CAST: variants seen among roughly 807,000 people sequenced by gnomAD.
CAST encodes the protein MIR583 host.
Under a neutral mutation model 119.6 loss-of-function variants are expected in CAST, and 76 were observed. The observed-to-expected ratio is 0.64, with a 90% CI of 0.53 to 0.77. The LOEUF is 0.77. CAST is among the 30% of genes least tolerant of loss of function. The pLI is 0.00. For synonymous variants in CAST, 319 were observed against 331.6 expected (o/e 0.96, Z 0.41); for missense variants, 953 against 946.5 (o/e 1.01, Z -0.09).
At chr5:96,371,171 G>A in the CAST span, among the ~76,000 whole-genome samples, 1 of 152,178 alleles carries the variant, frequency 6.6e-6, no homozygotes, top group Non-Finnish European at 1.5e-5. Flanking sequence ...ATGGAACTAA[G>A]TAAATGGAGT....
the CAST span, among the ~76,000 whole-genome samples, chr5:96,134,699 C>T: frequency 6.6e-6 from 1 of 152,206 alleles, no homozygotes; most frequent in Non-Finnish European, 1.5e-5. Flanking sequence ...AGGAGAACAT[C>T]TAAATAAAGA....
chr5:96,414,203 AC>A, the CAST span, among the ~76,000 whole-genome samples: 1 of 151,906 alleles, frequency 6.6e-6, no homozygotes, highest in Non-Finnish European at 1.5e-5. Context: ...AAGCCAGTTA[AC>A]CCTCTGTGCC....
At chr5:96,092,014 A>G in the CAST span, among the ~76,000 whole-genome samples, 1 of 152,166 alleles carries the variant, frequency 6.6e-6, no homozygotes, top group Non-Finnish European at 1.5e-5. Context: ...CACATGACCT[A>G]AGCACTTGAT....
At chr5:96,603,506 C>T (rs1478270227) in intron 1 of CAST, among the ~76,000 whole-genome samples, 2 of 152,168 alleles carry the variant, frequency 1.3e-5, no homozygotes, top group Non-Finnish European at 2.9e-5. Flanking sequence ...TCTTCTACCT[C>T]CACATCTTGT....
chr5:96,553,307 A>C (rs1159132630), intron 1 of CAST, among the ~76,000 whole-genome samples: 3 of 152,224 alleles, frequency 2.0e-5, no homozygotes, highest in African/African-American at 4.8e-5. Flanking sequence ...CCAATGACAA[A>C]AACCACATGA....
At chr5:96,497,813 C>G in the CAST span, among the ~76,000 whole-genome samples, 1 of 152,154 alleles carries the variant, frequency 6.6e-6, no homozygotes, top group Non-Finnish European at 1.5e-5. Context: ...CTGCAGGTTG[C>G]CTGTTCACTC....
At chr5:96,110,450 A>C in the CAST span, among the ~76,000 whole-genome samples, 1 of 152,208 alleles carries the variant, frequency 6.6e-6, no homozygotes, top group Non-Finnish European at 1.5e-5. Flanking sequence ...CCTCTCAAAC[A>C]AATGGGCCAT....
intron 3 of CAST, among the ~76,000 whole-genome samples, chr5:96,719,097 C>G (rs1018360956): frequency 6.6e-6 from 1 of 152,110 alleles, no homozygotes; most frequent in Admixed American, 6.6e-5. Context: ...ATTGTTCCAT[C>G]AGCTACATGT....
chr5:96,680,959 A>G (rs1030847529), intron 2 of CAST, among the ~76,000 whole-genome samples: 19 of 152,250 alleles, frequency 1.2e-4, no homozygotes, highest in South Asian at 4.1e-4. Flanking sequence ...GCACCGAGGC[A>G]GTCATGCCTG....
the CAST span, among the ~76,000 whole-genome samples, chr5:96,306,709 C>T: frequency 6.6e-6 from 1 of 152,260 alleles, no homozygotes; most frequent in East Asian, 1.9e-4. Flanking sequence ...ATTATTTACA[C>T]AGTAGTCATT....
chr5:96,173,484 A>G, the CAST span, among the ~76,000 whole-genome samples: 1 of 152,250 alleles, frequency 6.6e-6, no homozygotes, highest in Non-Finnish European at 1.5e-5. Context: ...TTTGGAGCAA[A>G]ATACATAATA....
the CAST span, among the ~76,000 whole-genome samples, chr5:96,436,167 G>C: frequency 6.6e-6 from 1 of 152,302 alleles, no homozygotes; most frequent in South Asian, 2.1e-4. Flanking sequence ...TAACAAATTA[G>C]TCTGTAATTA....
At chr5:96,143,039 A>G in the CAST span, among the ~76,000 whole-genome samples, 2,425 of 152,308 alleles carry the variant, frequency 0.016, 52 homozygotes, top group African/African-American at 0.055. Context: ...CCACGTTACA[A>G]TGTCTGAGTT....
At chr5:96,393,403 A>G in the CAST span, 11 of 1,612,602 alleles carry the variant, frequency 6.8e-6, no homozygotes, top group African/African-American at 1.3e-4. Flanking sequence ...GCCATCCACA[A>G]AGGGAAGAAG....
chr5:96,587,513 G>A (rs1746882017), intron 1 of CAST, among the ~76,000 whole-genome samples: 1 of 152,180 alleles, frequency 6.6e-6, no homozygotes. Flanking sequence ...TCATCTTTGT[G>A]ATGAGAGGGT....
At chr5:96,121,846 C>T in the CAST span, among the ~76,000 whole-genome samples, 1 of 152,092 alleles carries the variant, frequency 6.6e-6, no homozygotes, top group Admixed American at 6.6e-5. Flanking sequence ...TCCCTCTCTC[C>T]TTTTCTCCAC....
intron 1 of CAST, among the ~76,000 whole-genome samples, chr5:96,617,261 A>C (rs1747477871): frequency 6.6e-6 from 1 of 152,058 alleles, no homozygotes; most frequent in Non-Finnish European, 1.5e-5. Context: ...AGGGCACACA[A>C]CTTTAGGTAG....
At chr5:96,502,189 T>C in the CAST span, among the ~76,000 whole-genome samples, 1 of 152,224 alleles carries the variant, frequency 6.6e-6, no homozygotes, top group Non-Finnish European at 1.5e-5. Flanking sequence ...AATCTCTGAC[T>C]ACCTTCTCTT....
the CAST span, among the ~76,000 whole-genome samples, chr5:96,395,524 C>G: frequency 6.6e-6 from 1 of 152,190 alleles, no homozygotes; most frequent in African/African-American, 2.4e-5. Context: ...CCATCATTCT[C>G]AGCAAACCAA....
Sources: gnomAD v4.1 joint callset for allele counts (sites outside exome capture counted in the v4.1 genomes callset) on GRCh38, gnomAD v4.1.1 for gene constraint, MANE v1.5 for transcripts, NCBI Gene and HGNC (gene_info 2026-07-23, HGNC 2026-07-21) for gene names.